FMN2: variants seen among roughly 807,000 people sequenced by gnomAD.
FMN2 encodes the protein formin 2.
Under a neutral mutation model 142.3 loss-of-function variants are expected in FMN2, and 51 were observed. The observed-to-expected ratio is 0.36, with a 90% CI of 0.29 to 0.45. FMN2 has a LOEUF of 0.45. Among genes scored for constraint, FMN2 ranks in the 20% least tolerant of loss-of-function variants. FMN2 has a pLI of 1.00. For missense variants in FMN2, 1,936 were observed against 2,122.8 expected (o/e 0.91, Z 1.73); for synonymous variants, 882 against 869.8 (o/e 1.01, Z -0.25).
intron 8 of FMN2, among the ~76,000 whole-genome samples, chr1:240,309,414 T>G (rs2102984894): frequency 6.6e-6 from 1 of 152,110 alleles, no homozygotes; most frequent in Non-Finnish European, 1.5e-5. Context: ...GTGTACAGTA[T>G]CTATGTAGGG....
At chr1:240,179,210 A>G (rs983733851) in intron 3 of FMN2, 2 of 152,202 alleles carry the variant, frequency 1.3e-5, no homozygotes, top group African/African-American at 4.8e-5. Flanking sequence ...TACAATTATT[A>G]TCATTGTTTC....
chr1:240,463,232 A>C (rs1400280900), intron 16 of FMN2, among the ~76,000 whole-genome samples: 3 of 152,180 alleles, frequency 2.0e-5, no homozygotes, highest in Non-Finnish European at 4.4e-5. Context: ...AGAAGGCTTG[A>C]AAAACAGGGA....
At chr1:240,347,953 G>T (rs968873211) in intron 13 of FMN2, among the ~76,000 whole-genome samples, 1 of 152,098 alleles carries the variant, frequency 6.6e-6, no homozygotes, top group African/African-American at 2.4e-5. Flanking sequence ...TGATGGGCAG[G>T]CACCCTGGTT....
intron 2 of FMN2, among the ~76,000 whole-genome samples, chr1:240,134,430 C>T (rs1353153354): frequency 2.0e-5 from 3 of 151,986 alleles, no homozygotes; most frequent in African/African-American, 7.3e-5. Flanking sequence ...ATGAGACCAG[C>T]CTGGGCCATA....
rs575835707 is a variant in FMN2, at chr1:240,211,003, C to A, written c.3921-88C>A. The A allele has an allele frequency of 1.3e-5, 16 of 1,269,022 alleles. No individual in the cohort carries two copies. In the East Asian group the frequency reaches 3.8e-4, roughly 30 times the overall value. 78.6% of individuals were successfully genotyped at this position (1,269,022 alleles called of 1,614,324 possible). On this transcript the variant is annotated intron_variant, in intron 5 of 17. Coordinates refer to ENST00000319653, the MANE Select transcript of FMN2 (RefSeq NM_020066.5). The stretch of plus-strand genomic sequence containing the variant: ...CCCTCCTTCCCTCCTGCTGGCCTTC[C>A]TCCCTCCCCTTCTTCCTTTCTATTT...
At chr1:240,290,780 GTTTTTTTTTTTTGTTTT>G (rs1015716710) in intron 7 of FMN2, among the ~76,000 whole-genome samples, 3 of 100,196 alleles carry the variant, frequency 3.0e-5, no homozygotes, top group African/African-American at 1.4e-4. Context: ...TGTTTGTTTG[GTTTTTTTTTTTTGTTTT>G]TTTTTTTTTT....
At chr1:240,315,367 C>CA (rs1380415478) in intron 8 of FMN2, among the ~76,000 whole-genome samples, 3 of 152,182 alleles carry the variant, frequency 2.0e-5, no homozygotes, top group African/African-American at 7.2e-5. Context: ...ATAGGGTCAT[C>CA]AACCTTCCCT....
chr1:240,435,592 T>C (rs1572308632), intron 15 of FMN2, among the ~76,000 whole-genome samples: 2 of 152,296 alleles, frequency 1.3e-5, no homozygotes, highest in East Asian at 3.9e-4. Flanking sequence ...CAACAGACAC[T>C]TTGGCAATTC....
intron 8 of FMN2, among the ~76,000 whole-genome samples, chr1:240,301,348 T>C (rs1670189799): frequency 6.6e-6 from 1 of 151,878 alleles, no homozygotes; most frequent in Non-Finnish European, 1.5e-5. Context: ...ACTTATTTTG[T>C]TGTGACGTGA....
In FMN2 at chr1:240,421,572, T is replaced by G. The variant is rs377456548; in HGVS notation, c.4911-16489T>G. On this transcript the variant is annotated intron_variant, in intron 15 of 17. Coordinates refer to ENST00000319653, the MANE Select transcript of FMN2 (RefSeq NM_020066.5). ...AAAAACTATTCTTTCTCCATTGAGT[T>G]GCCTTTGTTCCTTTGTCAAAAAATA... Among the ~76,000 whole-genome samples, 28 of 152,298 alleles carry G rather than the reference T, an allele frequency of 1.8e-4. 1 individual carries two copies. Among genetic ancestry groups the G allele is most frequent in the East Asian group, 1.7e-3 (9 of 5,176 alleles).
Position 240,333,912 on chromosome 1 carries a change from A to G in FMN2, c.4610A>G (p.Tyr1537Cys), listed in dbSNP as rs1006005445. 1 of 1,610,218 alleles carries G rather than the reference A, an allele frequency of 6.2e-7. No individual in the cohort carries two copies. The highest frequency in any genetic ancestry group is 8.5e-7 in the Non-Finnish European group (1 of 1,178,520). The stretch of plus-strand genomic sequence containing the variant: ...GACAATAGCAGAAGCCTTTTGTCAT[A>G]TATTGTTTCGTATTATCTCCGAAAT... ...SSDNSRSLLS[Y>C]IVSYYLRNFD... is the part of the protein sequence containing the mutation. Residue 1537 changes from tyrosine (Y) to cysteine (C), a missense_variant, in exon 12 of 18, where the codon TAT (tyrosine) becomes TGT (cysteine). Physicochemically the swap from Tyr to Cys is radical, Grantham distance 194. Transcript: ENST00000319653.
chr1:240,205,241 C>T (rs1666285675), intron 4 of FMN2, among the ~76,000 whole-genome samples: 1 of 152,064 alleles, frequency 6.6e-6, no homozygotes, highest in Non-Finnish European at 1.5e-5. Flanking sequence ...AGAAGTCTCT[C>T]ATCCTCTCTT....
At chr1:240,216,227 A>G (rs1330140130) in intron 6 of FMN2, among the ~76,000 whole-genome samples, 1 of 152,232 alleles carries the variant, frequency 6.6e-6, no homozygotes, top group Admixed American at 6.5e-5. Flanking sequence ...GCTACATTTC[A>G]TTTATCCCAT....
At chr1:240,401,395 T>G (rs978504814) in intron 15 of FMN2, among the ~76,000 whole-genome samples, 1 of 152,190 alleles carries the variant, frequency 6.6e-6, no homozygotes, top group Non-Finnish European at 1.5e-5. Flanking sequence ...TGTTCTTCAT[T>G]TTCCAGCCTT....
chr1:240,235,446 C>T (rs1667673800), intron 6 of FMN2, among the ~76,000 whole-genome samples: 2 of 150,234 alleles, frequency 1.3e-5, no homozygotes, highest in Admixed American at 1.3e-4. Context: ...GGGTCTCTCT[C>T]TGTTTTCCAG....
At chr1:240,176,155 GTA>G (rs941722292) in intron 2 of FMN2, among the ~76,000 whole-genome samples, 1 of 152,052 alleles carries the variant, frequency 6.6e-6, no homozygotes, top group African/African-American at 2.4e-5. Context: ...AGTTTTTCCT[GTA>G]TGTTTTCGTC....
intron 14 of FMN2, among the ~76,000 whole-genome samples, chr1:240,391,435 AT>A (rs5782140): frequency 0.42 from 64,028 of 151,878 alleles, 14,664 homozygotes; most frequent in East Asian, 0.73. Flanking sequence ...CACAGTTCCC[AT>A]TTTTTTTATA....
chr1:240,438,381 A>G (rs889509192), intron 16 of FMN2, among the ~76,000 whole-genome samples, 171 bp downstream of exon 16: 10 of 152,174 alleles, frequency 6.6e-5, no homozygotes, highest in Admixed American at 6.5e-4. Context: ...TTTAATAAGA[A>G]GAGTCAGCAC....
intron 8 of FMN2, among the ~76,000 whole-genome samples, chr1:240,316,614 T>C (rs943359970): frequency 6.6e-6 from 1 of 152,118 alleles, no homozygotes; most frequent in African/African-American, 2.4e-5. Context: ...CAGGAGACCA[T>C]ACACAGGCTT....
Sources: gnomAD v4.1 joint callset for allele counts (sites outside exome capture counted in the v4.1 genomes callset) on GRCh38, gnomAD v4.1.1 for gene constraint, MANE v1.5 for transcripts, NCBI Gene and HGNC (gene_info 2026-07-23, HGNC 2026-07-21) for gene names.